EML5: variants seen among roughly 807,000 people sequenced by gnomAD.
EML5 encodes the protein EMAP like 5.
EML5 carries 120 observed loss-of-function variants against 250.0 expected under a neutral mutation model. The ratio of observed to expected loss-of-function variants is 0.48; its 90% CI spans 0.41 to 0.56. The LOEUF is 0.56. EML5 is among the 20% of genes least tolerant of loss of function. The pLI is 0.00. For synonymous variants in EML5, 771 were observed against 806.5 expected (o/e 0.96, Z 0.75); for missense variants, 2,006 against 2,437.6 (o/e 0.82, Z 3.73).
rs1239834087 is a variant in EML5, at chr14:88,616,756, CTT to C, written c.5764_5765del (p.Lys1922ValfsTer3). ...LVTGDDFGMV[K>X]LFDFPCPEKF... ...TTTCTGGACATGGGAAGTCAAATAA[CTT>C]AACCATGCCAAAGTCATCTCCTGTA... On this transcript the variant is annotated frameshift_variant, in exon 42 of 44. Coordinates refer to ENST00000554922, the MANE Select transcript of EML5 (RefSeq NM_183387.3). LOFTEE classifies it high-confidence loss of function. The C allele has an allele frequency of 1.2e-6, 2 of 1,613,544 alleles. No individual in the cohort carries two copies. Among genetic ancestry groups the C allele is most frequent in the Admixed American group, 1.7e-5 (1 of 59,982 alleles).
intron 25 of EML5, among the ~76,000 whole-genome samples, chr14:88,659,736 ACT>A (rs1269220110): frequency 2.0e-5 from 3 of 152,220 alleles, no homozygotes. Context: ...AACAACTAAG[ACT>A]CTACCATTTA....
rs993481876 is a variant in EML5, at chr14:88,758,009, C to T, written c.198-3338G>A. 2.7e-5 allele frequency among the ~76,000 whole-genome samples: 4 copies of T among 148,402 alleles called. No individual in the cohort carries two copies. In the South Asian group the frequency reaches 8.6e-4, roughly 32 times the overall value. On this transcript the variant is annotated intron_variant, in intron 1 of 43. Coordinates refer to ENST00000554922, the MANE Select transcript of EML5 (RefSeq NM_183387.3). ...CTGAGACTACAGGTGGGTGCCACCACACCTGTCTAATTTTTTTTTTTTTTT... is the reference window on the plus strand; with the variant it reads ...CTGAGACTACAGGTGGGTGCCACCATACCTGTCTAATTTTTTTTTTTTTTT...
chr14:88,684,966 TAATC>T, intron 20 of EML5, 45 bp downstream of exon 20: 2 of 1,490,240 alleles, frequency 1.3e-6, no homozygotes, highest in Non-Finnish European at 1.8e-6. Flanking sequence ...TATATTGAAA[TAATC>T]AATTGTATGT....
intron 8 of EML5, among the ~76,000 whole-genome samples, chr14:88,723,258 T>C (rs1168532492): frequency 2.0e-5 from 3 of 152,094 alleles, no homozygotes; most frequent in Non-Finnish European, 4.4e-5. Flanking sequence ...ACAAAAATTT[T>C]AAAAAATAAT....
At chr14:88,757,841 T>C (rs1354222277) in intron 1 of EML5, among the ~76,000 whole-genome samples, 3 of 151,602 alleles carry the variant, frequency 2.0e-5, no homozygotes, top group African/African-American at 4.8e-5. Context: ...TCTCTCTCTT[T>C]CTCTCCTTTC....
intron 8 of EML5, among the ~76,000 whole-genome samples, chr14:88,721,634 T>C (rs1006161267): frequency 2.0e-5 from 3 of 152,146 alleles, no homozygotes; most frequent in African/African-American, 4.8e-5. Flanking sequence ...GATTAAAGAC[T>C]TAAATGTAAA....
intron 14 of EML5, among the ~76,000 whole-genome samples, chr14:88,701,573 C>A (rs1685380100): frequency 1.3e-5 from 2 of 151,322 alleles, no homozygotes; most frequent in South Asian, 4.2e-4. Context: ...AGGAGAGGCA[C>A]AAAGAAAGGA....
chr14:88,630,324 C>G (rs1247754630), intron 33 of EML5, among the ~76,000 whole-genome samples: 1 of 152,090 alleles, frequency 6.6e-6, no homozygotes, highest in Admixed American at 6.6e-5. Context: ...GCCACCATGC[C>G]TGGCCTAATA....
intron 1 of EML5, among the ~76,000 whole-genome samples, chr14:88,773,469 A>T (rs577566390): frequency 6.6e-6 from 1 of 152,224 alleles, no homozygotes; most frequent in Non-Finnish European, 1.5e-5. Context: ...TATAACGCAT[A>T]ATAGTAAATG....
chr14:88,646,590 A>G (rs539281014), intron 29 of EML5, among the ~76,000 whole-genome samples: 22 of 152,316 alleles, frequency 1.4e-4, no homozygotes, highest in Non-Finnish European at 2.2e-4. Context: ...ATTTTTATCT[A>G]TATAATCCTA....
chr14:88,761,250 G>A (rs10130182), intron 1 of EML5, among the ~76,000 whole-genome samples: 59,907 of 151,704 alleles, frequency 0.39, 14,144 homozygotes, highest in African/African-American at 0.64. Context: ...TGTGCAGAAC[G>A]TGCAGGTTTG....
intron 1 of EML5, among the ~76,000 whole-genome samples, chr14:88,759,698 A>AAAAAAAAACAAAAAC (rs758968634): frequency 6.3e-5 from 9 of 142,204 alleles, no homozygotes; most frequent in African/African-American, 2.4e-4. Context: ...AAAAAAAAAA[A>AAAAAAAAACAAAAAC]AAAAAACTGG....
intron 8 of EML5, among the ~76,000 whole-genome samples, chr14:88,720,972 T>C (rs1456072138): frequency 1.3e-5 from 2 of 152,064 alleles, no homozygotes; most frequent in Non-Finnish European, 2.9e-5. Flanking sequence ...AGAATTCCTA[T>C]ACACCAACAA....
intron 42 of EML5, 45 bp downstream of exon 42, chr14:88,616,681 A>G (rs2087674072): frequency 6.4e-7 from 1 of 1,555,764 alleles, no homozygotes; most frequent in East Asian, 2.3e-5. Flanking sequence ...ATAAGACATC[A>G]AAATTAGGAG....
chr14:88,670,152 T>TAA (rs1000449609), intron 21 of EML5, among the ~76,000 whole-genome samples: 16 of 144,212 alleles, frequency 1.1e-4, no homozygotes, highest in African/African-American at 2.3e-4. Context: ...CCATCTCTAC[T>TAA]AAAAAAAAAA....
chr14:88,737,306 A>T (rs1023315954), intron 6 of EML5, among the ~76,000 whole-genome samples: 1 of 152,226 alleles, frequency 6.6e-6, no homozygotes, highest in African/African-American at 2.4e-5. Flanking sequence ...TAGAGTCCCC[A>T]AGTTTTTTAG....
chr14:88,782,240 C>T (rs1011274334), intron 1 of EML5, among the ~76,000 whole-genome samples: 2 of 152,096 alleles, frequency 1.3e-5, no homozygotes, highest in African/African-American at 4.8e-5. Context: ...GCATTTTGCC[C>T]CTGCCCTAGA....
At chr14:88,648,242 G>A (rs947147110) in intron 28 of EML5, among the ~76,000 whole-genome samples, 1 of 152,006 alleles carries the variant, frequency 6.6e-6, no homozygotes, top group South Asian at 2.1e-4. Flanking sequence ...TCTAAACTCT[G>A]TATAAATACT....
chr14:88,778,493 G>T (rs1423898186), intron 1 of EML5, among the ~76,000 whole-genome samples: 1 of 152,042 alleles, frequency 6.6e-6, no homozygotes, highest in Non-Finnish European at 1.5e-5. Flanking sequence ...TTAAGAAGTG[G>T]TAAGTGGCTG....
Sources: allele counts gnomAD v4.1 joint callset (sites outside exome capture counted in the v4.1 genomes callset), GRCh38; gene constraint gnomAD v4.1.1; transcripts MANE v1.5; gene names NCBI Gene and HGNC (gene_info 2026-07-23, HGNC 2026-07-21).